Variants in CNOT4 observed in about 807,000 individuals in gnomAD.
The protein encoded by CNOT4 is CCR4-NOT transcription complex subunit 4.
A neutral mutation model predicts 73.8 loss-of-function variants in CNOT4; 8 were observed. The observed-to-expected ratio is 0.11, with a 90% CI of 0.06 to 0.20. The LOEUF (loss-of-function observed/expected upper bound fraction) is 0.20, where lower values mean the gene tolerates loss of function less well. Ranked by LOEUF, CNOT4 falls within the 10% of genes least tolerant of loss-of-function variation. The pLI is 1.00. For synonymous variants in CNOT4, 293 were observed against 321.1 expected (o/e 0.91, Z 0.94); for missense variants, 564 against 883.4 (o/e 0.64, Z 4.58).
At chr7:135,459,198 T>C (rs1228297596) in intron 1 of CNOT4, among the ~76,000 whole-genome samples, 1 of 151,978 alleles carries the variant, frequency 6.6e-6, no homozygotes, top group African/African-American at 2.4e-5. Context: ...CAGGGACAGT[T>C]TGAAAGGAAT....
chr7:135,485,839 A>C (rs1010407163), intron 1 of CNOT4, among the ~76,000 whole-genome samples: 1 of 152,218 alleles, frequency 6.6e-6, no homozygotes, highest in Non-Finnish European at 1.5e-5. Flanking sequence ...TTTAGGAAAA[A>C]ACTTAGAGAA....
chr7:135,414,777 T>C (rs1797763218), intron 4 of CNOT4, among the ~76,000 whole-genome samples: 1 of 152,064 alleles, frequency 6.6e-6, no homozygotes, highest in Non-Finnish European at 1.5e-5. Context: ...TATGTCAAAT[T>C]ACATTCTCAA....
chr7:135,495,691 AAAGAAAGAAAGAAAGAAAGAAAGAAAG>A lies in CNOT4; in HGVS notation c.-93+14171_-93+14197del, dbSNP rs1803487448. Among the ~76,000 whole-genome samples, 21 of 13,104 alleles carry A rather than the reference AAAGAAAGAAAGAAAGAAAGAAAGAAAG, an allele frequency of 1.6e-3. 2 individuals carry two copies. The highest frequency in any genetic ancestry group is 3.0e-3 in the Admixed American group (3 of 1,004). The allele number at this position is 13,104 out of a possible 152,430, so 8.6% of individuals were successfully genotyped here. On this transcript the variant is annotated intron_variant, in intron 1 of 11. Coordinates refer to ENST00000541284, the MANE Select transcript of CNOT4 (RefSeq NM_001190850.2). ...TGTCAAAAAAAAAAAAAAAAAAAAA[AAAGAAAGAAAGAAAGAAAGAAAGAAAG>A]AAAGAAAGAAAGAAAGAAAGAAAGA...
chr7:135,492,381 G>A (rs1330415901), intron 1 of CNOT4, among the ~76,000 whole-genome samples: 2 of 152,094 alleles, frequency 1.3e-5, no homozygotes, highest in South Asian at 2.1e-4. Flanking sequence ...TTATGAAAAG[G>A]GCAGAAAGGA....
intron 1 of CNOT4, among the ~76,000 whole-genome samples, chr7:135,492,231 C>A (rs1461483783): frequency 1.3e-5 from 2 of 151,916 alleles, no homozygotes; most frequent in Non-Finnish European, 2.9e-5. Flanking sequence ...GGGCAAGAAA[C>A]CTGAGGTTTC....
chr7:135,471,620 T>A (rs1231784675), intron 1 of CNOT4, among the ~76,000 whole-genome samples: 2 of 152,222 alleles, frequency 1.3e-5, no homozygotes, highest in Non-Finnish European at 2.9e-5. Context: ...ATTTTATGTA[T>A]ATATGTATGT....
rs185215085 is a variant in CNOT4 at position 135,455,973 on chromosome 7, C to T, written c.-92-17550G>A. 9.7e-4 allele frequency among the ~76,000 whole-genome samples: 148 copies of T among 152,266 alleles called. 1 individual carries two copies. Among genetic ancestry groups the T allele is most frequent in the African/African-American group, 3.4e-3 (141 of 41,556 alleles). On this transcript the variant is annotated intron_variant, in intron 1 of 11. Coordinates refer to ENST00000541284, the MANE Select transcript of CNOT4 (RefSeq NM_001190850.2). The stretch of plus-strand genomic sequence containing the variant: ...GGATGGAAACTCACTTACACCACTG[C>T]CATCTTAGAAAGTAAAACCCCCATT...
rs919981063 is a variant in CNOT4 at position 135,362,158 on chromosome 7, T to C, written c.*727A>G. 1 of 152,778 alleles carries C rather than the reference T, an allele frequency of 6.5e-6. No homozygotes were observed. The highest frequency in any genetic ancestry group is 6.5e-5 in the Admixed American group (1 of 15,336). 9.5% of individuals were successfully genotyped at this position (152,778 alleles called of 1,614,324 possible). A position where few individuals can be genotyped will look rare whatever the true frequency, so the allele number is the denominator to read the frequency against. On this transcript the variant is annotated 3_prime_UTR_variant, in exon 12 of 12. Transcript: ENST00000541284. ...ATAGGTATTAAATCTGTGAATACTT[T>C]TTTCTTTAAAACATTTCAATTTACT...
intron 10 of CNOT4, among the ~76,000 whole-genome samples, chr7:135,375,429 G>C (rs1234346682): frequency 6.6e-6 from 1 of 152,160 alleles, no homozygotes; most frequent in Non-Finnish European, 1.5e-5. Flanking sequence ...TTACCCTAAA[G>C]AACTCCCTAC....
chr7:135,433,423 C>T (rs1309092761), intron 2 of CNOT4, among the ~76,000 whole-genome samples: 3 of 137,108 alleles, frequency 2.2e-5, no homozygotes, highest in Non-Finnish European at 4.6e-5. Flanking sequence ...GTGGCATGAA[C>T]ATGGCTCACT....
Position 135,432,530 on chromosome 7 carries a change from C to G in CNOT4, c.174+5628G>C, listed in dbSNP as rs1297207698. 3.9e-5 allele frequency among the ~76,000 whole-genome samples: 6 copies of G among 152,284 alleles called. No individual in the cohort carries two copies. The South Asian group carries it at 6.2e-4, about 16-fold the overall frequency. ...AGTATTCTTTTAATTTTATCTTTTT[C>G]TACAAATCCCTCTTGCAGTTCTCTG... On this transcript the variant is annotated intron_variant, in intron 2 of 11. Coordinates refer to ENST00000541284, the MANE Select transcript of CNOT4 (RefSeq NM_001190850.2).
At chr7:135,372,834 C>T (rs1018140893) in intron 10 of CNOT4, among the ~76,000 whole-genome samples, 1 of 152,060 alleles carries the variant, frequency 6.6e-6, no homozygotes, top group Non-Finnish European at 1.5e-5. Context: ...GGATTACAGG[C>T]GTGAGCCACC....
intron 10 of CNOT4, among the ~76,000 whole-genome samples, chr7:135,384,971 C>A (rs1268234766): frequency 1.3e-5 from 2 of 152,214 alleles, no homozygotes; most frequent in Non-Finnish European, 2.9e-5. Flanking sequence ...ACAGATCTAA[C>A]CAAATCTGAA....
chr7:135,419,142 C>A (rs1015113098), intron 3 of CNOT4, among the ~76,000 whole-genome samples: 2 of 151,574 alleles, frequency 1.3e-5, no homozygotes, highest in Non-Finnish European at 2.9e-5. Flanking sequence ...CTTCTAAGAT[C>A]TTTTTTTTTC....
At chr7:135,400,621 G>A (rs1011643786) in intron 7 of CNOT4, among the ~76,000 whole-genome samples, 1 of 152,078 alleles carries the variant, frequency 6.6e-6, no homozygotes, top group African/African-American at 2.4e-5. Flanking sequence ...TCTTAAGGAT[G>A]TTTCTGGATT....
intron 1 of CNOT4, among the ~76,000 whole-genome samples, chr7:135,492,637 G>C (rs1261820689): frequency 6.6e-6 from 1 of 152,096 alleles, no homozygotes; most frequent in Non-Finnish European, 1.5e-5. Context: ...CAAGGTATAT[G>C]ACATGATCAT....
intron 7 of CNOT4, among the ~76,000 whole-genome samples, chr7:135,405,349 C>T (rs1797221062): frequency 6.6e-6 from 1 of 152,166 alleles, no homozygotes; most frequent in East Asian, 1.9e-4. Context: ...TAACCATTTA[C>T]ACCGAGTGAT....
chr7:135,432,608 C>A (rs1798911432), intron 2 of CNOT4, among the ~76,000 whole-genome samples: 1 of 152,306 alleles, frequency 6.6e-6, no homozygotes, highest in South Asian at 2.1e-4. Flanking sequence ...CAGCTGTCAT[C>A]CTTTCCCCAG....
intron 1 of CNOT4, among the ~76,000 whole-genome samples, chr7:135,443,190 A>C (rs78002932): frequency 0.015 from 625 of 41,560 alleles, 7 homozygotes; most frequent in African/African-American, 0.041. Context: ...ATCTCTACCA[A>C]AAAAAAAAAA....
Sources: allele counts gnomAD v4.1 joint callset (sites outside exome capture counted in the v4.1 genomes callset), GRCh38; gene constraint gnomAD v4.1.1; transcripts MANE v1.5; gene names NCBI Gene and HGNC (gene_info 2026-07-23, HGNC 2026-07-21).